Variants in DMD observed in about 807,000 individuals in gnomAD.
The protein encoded by DMD is dystrophin, also known as mutant dystrophin.
In DMD, 63 loss-of-function variants were observed where a neutral mutation model predicts 330.1. The observed-to-expected ratio is 0.19, with a 90% CI of 0.16 to 0.24. The LOEUF (loss-of-function observed/expected upper bound fraction) is 0.24. DMD is among the 10% of genes least tolerant of loss of function. The pLI, the probability that DMD is intolerant of heterozygous loss-of-function variation, is 1.00. For missense variants in DMD, 3,344 were observed against 2,684.1 expected (o/e 1.25, Z -5.43); for synonymous variants, 1,223 against 959.8 (o/e 1.27, Z -5.07).
At chrX:31,271,219 T>A (rs1470471376) in intron 62 of DMD, among the ~76,000 whole-genome samples, 1 of 111,339 alleles carries the variant, frequency 9.0e-6, no homozygotes, top group Non-Finnish European at 1.9e-5. Context: ...AGATGATGAA[T>A]CCAGTCTTGA....
At chrX:32,541,989 T>C (rs1312197223) in intron 17 of DMD, among the ~76,000 whole-genome samples, 1 of 111,728 alleles carries the variant, frequency 9.0e-6, no homozygotes, top group Non-Finnish European at 1.9e-5. Flanking sequence ...TTGATGAACA[T>C]TGAGGCAGTT....
At chrX:31,539,005 T>C (rs1398840615) in intron 55 of DMD, among the ~76,000 whole-genome samples, 1 of 112,075 alleles carries the variant, frequency 8.9e-6, no homozygotes. Flanking sequence ...GAGGGATGAT[T>C]ATTCTCGTAT....
At chrX:32,971,804 T>A (rs976748998) in intron 2 of DMD, among the ~76,000 whole-genome samples, 3 of 111,054 alleles carry the variant, frequency 2.7e-5, no homozygotes, top group Non-Finnish European at 3.8e-5. Context: ...TATATTTAAC[T>A]TTATAGAATT....
chrX:32,380,197 A>G (rs1401049731), intron 34 of DMD, among the ~76,000 whole-genome samples: 1 of 111,201 alleles, frequency 9.0e-6, no homozygotes, highest in Non-Finnish European at 1.9e-5. Flanking sequence ...TCTGGGCAGT[A>G]TGGTCTTAGG....
chrX:32,976,459 A>G (rs12847209), intron 2 of DMD, among the ~76,000 whole-genome samples: 2 of 111,526 alleles, frequency 1.8e-5, no homozygotes, highest in Middle Eastern at 4.6e-3. Context: ...ATGTGAATAT[A>G]TAGAACCTAG....
chrX:31,651,780 C>T (rs762592144), intron 54 of DMD, among the ~76,000 whole-genome samples: 1 of 111,427 alleles, frequency 9.0e-6, no homozygotes, highest in East Asian at 2.8e-4. Context: ...CACTCCTCAC[C>T]ACATTCACCT....
intron 44 of DMD, among the ~76,000 whole-genome samples, chrX:32,077,496 C>A (rs776334581): frequency 2.7e-5 from 3 of 111,465 alleles, no homozygotes; most frequent in Non-Finnish European, 5.7e-5. Flanking sequence ...TTTTTCAGAT[C>A]ATTCTAATGG....
At chrX:31,249,719 A>T (rs55845582) in intron 63 of DMD, among the ~76,000 whole-genome samples, 9,143 of 111,048 alleles carry the variant, frequency 0.082, 372 homozygotes, top group Middle Eastern at 0.1. Context: ...TGAGTGTCAA[A>T]TGTGAAGACC....
At chrX:31,614,833 T>A (rs1330041167) in intron 55 of DMD, among the ~76,000 whole-genome samples, 2 of 112,241 alleles carry the variant, frequency 1.8e-5, no homozygotes, top group Non-Finnish European at 3.8e-5. Context: ...AAGGACCTCA[T>A]GTGGAATGAA....
intron 44 of DMD, among the ~76,000 whole-genome samples, chrX:32,207,971 G>C (rs1348919008): frequency 9.0e-6 from 1 of 111,567 alleles, no homozygotes; most frequent in Non-Finnish European, 1.9e-5. Flanking sequence ...AGTAAAATTG[G>C]ATTTTCAAAT....
At chrX:31,426,356 G>A (rs1287790960) in intron 60 of DMD, among the ~76,000 whole-genome samples, 2 of 111,809 alleles carry the variant, frequency 1.8e-5, no homozygotes, top group Non-Finnish European at 3.8e-5. Context: ...ATCTGTTACT[G>A]GCCTCTGAAA....
intron 50 of DMD, among the ~76,000 whole-genome samples, chrX:31,815,720 C>G (rs1024061832): frequency 3.0e-4 from 33 of 111,682 alleles, no homozygotes; most frequent in African/African-American, 1.1e-3. Context: ...TGTGGCATCT[C>G]CTCCTTTCAC....
intron 55 of DMD, among the ~76,000 whole-genome samples, chrX:31,520,563 A>G (rs762116683): frequency 8.9e-6 from 1 of 111,944 alleles, no homozygotes; most frequent in Admixed American, 9.4e-5. Flanking sequence ...TCGTGTATCT[A>G]TTAATTCTTC....
At chrX:31,383,798 C>A (rs771238796) in intron 60 of DMD, among the ~76,000 whole-genome samples, 1 of 111,786 alleles carries the variant, frequency 8.9e-6, no homozygotes, top group African/African-American at 3.3e-5. Context: ...AGTCTGATTG[C>A]GGACAGCTGG....
At chrX:31,951,691 G>A (rs2095181891) in intron 45 of DMD, among the ~76,000 whole-genome samples, 1 of 110,802 alleles carries the variant, frequency 9.0e-6, no homozygotes, top group Non-Finnish European at 1.9e-5. Context: ...ATAACACAAT[G>A]TTATAATTTT....
At position 32,827,492 on chromosome X, in the gene DMD, G is replaced by A. The variant is rs192517856; in HGVS notation, c.265-4105C>T. Reference sequence around the variant, plus strand: ...CAGGTTTGTTACATAGGTAAATTGCGTGTCATGGGGGTTTAATGTACACAT... The same window carrying A: ...CAGGTTTGTTACATAGGTAAATTGCATGTCATGGGGGTTTAATGTACACAT... On this transcript the variant is annotated intron_variant, in intron 4 of 78. Transcript: ENST00000357033. Among the ~76,000 whole-genome samples the A allele has an allele frequency of 4.0e-3, 438 of 110,620 alleles. 7 individuals are homozygous for A. Among genetic ancestry groups the A allele is most frequent in the African/African-American group, 0.013 (406 of 30,412 alleles).
chrX:32,351,923 T>C (rs1428029676), intron 37 of DMD, among the ~76,000 whole-genome samples: 7 of 110,772 alleles, frequency 6.3e-5, no homozygotes, highest in Non-Finnish European at 1.1e-4. Context: ...GGCAAGATAA[T>C]GGAAACTTAG....
intron 7 of DMD, among the ~76,000 whole-genome samples, chrX:32,805,736 CT>C (rs780090723): frequency 5.3e-5 from 6 of 112,250 alleles, no homozygotes; most frequent in African/African-American, 6.5e-5. Flanking sequence ...AACAGCAGAT[CT>C]TTCTGCAGAA....
chrX:32,893,992 G>A lies in DMD; in HGVS notation c.94-44172C>T, dbSNP rs768602698. On this transcript the variant is annotated intron_variant, in intron 2 of 78. Coordinates refer to ENST00000357033, the MANE Select transcript of DMD (RefSeq NM_004006.3). Reference sequence around the variant, plus strand: ...CATTCCAGTGTGTGCCTCTGGACGTGACACATCAAAGAAATCCAAACCAAA... The same window carrying A: ...CATTCCAGTGTGTGCCTCTGGACGTAACACATCAAAGAAATCCAAACCAAA... Among the ~76,000 whole-genome samples the A allele has an allele frequency of 6.3e-5, 7 of 110,755 alleles. No homozygotes were observed. The South Asian group carries it at 2.3e-3, about 37-fold the overall frequency.
Sources: allele counts gnomAD v4.1 joint callset (sites outside exome capture counted in the v4.1 genomes callset), GRCh38; gene constraint gnomAD v4.1.1; transcripts MANE v1.5; gene names NCBI Gene and HGNC (gene_info 2026-07-23, HGNC 2026-07-21).